Variants in LIMK2 observed in about 807,000 individuals in gnomAD.
The protein encoded by LIMK2 is LIM domain kinase 2.
LIMK2 carries 35 observed loss-of-function variants against 75.7 expected under a neutral mutation model. The observed-to-expected ratio is 0.46, with a 90% CI of 0.35 to 0.61. The LOEUF (loss-of-function observed/expected upper bound fraction) is 0.61, where lower values mean the gene tolerates loss of function less well. Among genes scored for constraint, LIMK2 ranks in the 20% least tolerant of loss-of-function variants. The probability of loss-of-function intolerance (pLI) is 0.00; values close to 1 mark genes in which losing one functional copy is unlikely to be tolerated. For synonymous variants in LIMK2, 301 were observed against 319.2 expected, an observed-to-expected ratio of 0.94 and a Z score of 0.61; for missense variants, 623 against 831.0, an observed-to-expected ratio of 0.75 and a Z score of 3.08.
chr22:31,245,011 A>G (rs1414276148), intron 2 of LIMK2, among the ~76,000 whole-genome samples: 1 of 152,256 alleles, frequency 6.6e-6, no homozygotes, highest in Non-Finnish European at 1.5e-5. Flanking sequence ...GAAAAATCAC[A>G]GCACTGTGGA....
intron 2 of LIMK2, among the ~76,000 whole-genome samples, chr22:31,243,264 A>G (rs1451094952): frequency 6.6e-6 from 1 of 152,108 alleles, no homozygotes; most frequent in Admixed American, 6.6e-5. Flanking sequence ...ATAATGTAGA[A>G]AGTGATTTGG....
At chr22:31,268,695 C>G (rs1347360797) in intron 11 of LIMK2, among the ~76,000 whole-genome samples, 3 of 152,138 alleles carry the variant, frequency 2.0e-5, no homozygotes, top group Admixed American at 6.5e-5. Flanking sequence ...ACAAATGATT[C>G]CAAGCATAGA....
intron 2 of LIMK2, among the ~76,000 whole-genome samples, chr22:31,237,942 TAAA>T (rs11448021): frequency 1.4e-5 from 2 of 140,534 alleles, no homozygotes; most frequent in Admixed American, 7.1e-5. Flanking sequence ...CTGTCTCTGC[TAAA>T]AAAAAAAAAA....
chr22:31,249,402 GCCCCCACA>G (rs1444923451), intron 2 of LIMK2, among the ~76,000 whole-genome samples: 1 of 152,096 alleles, frequency 6.6e-6, no homozygotes, highest in Non-Finnish European at 1.5e-5. Flanking sequence ...TGCTGGGCCA[GCCCCCACA>G]CCTCCTCAGT....
Position 31,262,122 on chromosome 22 carries a change from T to G in LIMK2, c.552-12T>G. On this transcript the variant is annotated splice_polypyrimidine_tract_variant and intron_variant, in intron 5 of 15. Transcript: ENST00000331728. The surrounding 1 kb of genome is among the most constrained non-coding windows in gnomAD (Gnocchi z 5.0). ...GACATCTTTACCCTGCCTCAACTCT[T>G]GTCTGGCCCAGGGTCAACCGGATGC... 1 of 1,610,364 alleles carries G rather than the reference T, an allele frequency of 6.2e-7. No homozygotes were observed. Among genetic ancestry groups the G allele is most frequent in the Non-Finnish European group, 8.5e-7 (1 of 1,176,604 alleles).
At chr22:31,256,230 C>G (rs553317352) in intron 2 of LIMK2, among the ~76,000 whole-genome samples, 1 of 143,416 alleles carries the variant, frequency 7.0e-6, no homozygotes, top group South Asian at 2.3e-4. Flanking sequence ...AACTCCTGAC[C>G]TTGTGATCTG....
intron 2 of LIMK2, chr22:31,248,571 C>G (rs991535037): frequency 1.9e-6 from 3 of 1,604,202 alleles, no homozygotes; most frequent in Non-Finnish European, 2.6e-6. Context: ...CGCAGCTGCT[C>G]CGGAGGGAGA....
intron 2 of LIMK2, among the ~76,000 whole-genome samples, chr22:31,228,690 T>C (rs1161177297): frequency 6.6e-6 from 1 of 152,148 alleles, no homozygotes; most frequent in African/African-American, 2.4e-5. Flanking sequence ...CCTAGCACTC[T>C]GGGAGGCCGA....
At chr22:31,233,695 T>C (rs906119834) in intron 2 of LIMK2, among the ~76,000 whole-genome samples, 23 of 152,282 alleles carry the variant, frequency 1.5e-4, no homozygotes, top group African/African-American at 5.5e-4. Context: ...TGCTGGACTT[T>C]CACTCTTCCC....
At position 31,272,999 on chromosome 22, in the gene LIMK2, G is replaced by A. The variant is rs570639312; in HGVS notation, c.1558+295G>A. ...CCCAGCTTTAGCCTTCTCTCTCCAT[G>A]GTGAGAACTGAAGTGTGGTGCCCTC... On this transcript the variant is annotated intron_variant, in intron 13 of 15. Transcript: ENST00000331728. 3.4e-6 allele frequency: 4 copies of A among 1,185,340 alleles called. No homozygotes were observed. The East Asian group carries it at 1.2e-4, about 37-fold the overall frequency. 73.4% of individuals were successfully genotyped at this position (1,185,340 alleles called of 1,614,324 possible).
intron 8 of LIMK2, 105 bp downstream of exon 8, chr22:31,266,237 C>T: frequency 8.7e-7 from 1 of 1,143,002 alleles, no homozygotes; most frequent in Non-Finnish European, 1.3e-6. Context: ...ATGCAGGATG[C>T]CAGGCCTCCT....
Position 31,272,511 on chromosome 22 carries a change from C to T in LIMK2, c.1384-19C>T. ...GAGAACATCCCCATGAAGTCCTGAC[C>T]TGTCTTTTATCCTACCAGGACAAGA... On this transcript the variant is annotated intron_variant, in intron 12 of 15. Coordinates refer to ENST00000331728, the MANE Select transcript of LIMK2 (RefSeq NM_005569.4). 1 of 1,597,974 alleles carries T rather than the reference C, an allele frequency of 6.3e-7. No homozygotes were observed. The highest frequency in any genetic ancestry group is 8.5e-7 in the Non-Finnish European group (1 of 1,172,960).
intron 2 of LIMK2, among the ~76,000 whole-genome samples, chr22:31,250,589 A>G (rs372688831): frequency 6.6e-6 from 1 of 152,050 alleles, no homozygotes; most frequent in Admixed American, 6.5e-5. Context: ...CCCTTCCCCA[A>G]ATAAGAGGCC....
chr22:31,216,335 C>T (rs1452646053), intron 1 of LIMK2, among the ~76,000 whole-genome samples: 2 of 152,138 alleles, frequency 1.3e-5, no homozygotes, highest in African/African-American at 4.8e-5. Context: ...GTAGCAAATA[C>T]GTGTGGTAGA....
chr22:31,239,906 GAGCTTATCTTTTGAGGTGATAAGATAA>G (rs2048610028), intron 2 of LIMK2, among the ~76,000 whole-genome samples: 3 of 152,150 alleles, frequency 2.0e-5, no homozygotes, highest in African/African-American at 7.2e-5. Flanking sequence ...TTTTAGGCAA[GAGCTTATCTTTTGAGGTGATAAGATAA>G]GCTCAAACTT....
chr22:31,232,716 C>A (rs1302545084), intron 2 of LIMK2, among the ~76,000 whole-genome samples: 1 of 151,998 alleles, frequency 6.6e-6, no homozygotes, highest in African/African-American at 2.4e-5. Context: ...CTTAAACAAT[C>A]CTCCTGAGTA....
chr22:31,277,962 G>T (rs1232521610), intron 15 of LIMK2, among the ~76,000 whole-genome samples: 1 of 152,106 alleles, frequency 6.6e-6, no homozygotes, highest in Non-Finnish European at 1.5e-5. Flanking sequence ...GGCTTCCGGG[G>T]CAGCCAAGCC....
At chr22:31,212,486 T>C in intron 1 of LIMK2, 62 bp downstream of exon 1, 2 of 1,307,182 alleles carry the variant, frequency 1.5e-6, no homozygotes, top group South Asian at 6.2e-5. Context: ...CCATGGCGCC[T>C]GAGGGAAACC....
Position 31,225,814 on chromosome 22 carries a change from C to G in LIMK2, c.111C>G (p.Cys37Trp), listed in dbSNP as rs1436474228. Residue 37 changes from cysteine to tryptophan, a missense_variant, in exon 2 of 16, where the codon TGC becomes TGG. By Grantham distance (215) the Cys-to-Trp change is radical (BLOSUM62 -2). Transcript: ENST00000331728. ...TCAACGAAACCTGGCACGGCTCTTGCTTCCGGTAGGTGGGCCTATCCTCCC... is the reference window on the plus strand; with the variant it reads ...TCAACGAAACCTGGCACGGCTCTTGGTTCCGGTAGGTGGGCCTATCCTCCC... ...RTVNETWHGS[C>W]FRCSECQDSL... 6.2e-7 allele frequency: 1 copy of G among 1,612,770 alleles called. No homozygotes were observed. Among genetic ancestry groups the G allele is most frequent in the African/African-American group, 1.3e-5 (1 of 74,998 alleles).
Sources: allele counts gnomAD v4.1 joint callset (sites outside exome capture counted in the v4.1 genomes callset), GRCh38; gene constraint gnomAD v4.1.1; non-coding constraint Gnocchi (gnomAD v3.1); transcripts MANE v1.5; gene names NCBI Gene and HGNC (gene_info 2026-07-23, HGNC 2026-07-21).